Variants in SF3A3 observed in about 807,000 individuals in gnomAD.
SF3A3 encodes SAP 61.
Under a neutral mutation model 85.8 loss-of-function variants are expected in SF3A3, and 9 were observed. That is an observed-to-expected ratio of 0.10 (90% confidence interval 0.06 to 0.18). The LOEUF (loss-of-function observed/expected upper bound fraction) is 0.18. Among genes scored for constraint, SF3A3 ranks in the 10% least tolerant of loss-of-function variants. The pLI, the probability that SF3A3 is intolerant of heterozygous loss-of-function variation, is 1.00. For synonymous variants in SF3A3, 195 were observed against 204.4 expected, an observed-to-expected ratio of 0.95 and a Z score of 0.39; for missense variants, 306 against 593.3, an observed-to-expected ratio of 0.52 and a Z score of 5.03.
intron 2 of SF3A3, 135 bp downstream of exon 2, chr1:37,989,413 G>C: frequency 1.2e-6 from 1 of 848,248 alleles, no homozygotes; most frequent in Middle Eastern, 2.3e-4. Context: ...GTGGACATCT[G>C]TCCAGGCAGA....
intron 15 of SF3A3, chr1:37,960,448 G>A (rs1339395020): frequency 1.4e-5 from 6 of 414,590 alleles, no homozygotes; most frequent in African/African-American, 7.8e-5. Flanking sequence ...CTTGAAGGAG[G>A]TTAATGTGGA....
In SF3A3 at chr1:37,961,002, A is replaced by C. The variant is rs537405727; in HGVS notation, c.1373-827T>G. ...TGTCAGGAAGGTGAACTCTTAGAAC[A>C]GATGGCTACATGTAATACATAAGAC... On this transcript the variant is annotated intron_variant, in intron 15 of 16. Coordinates refer to ENST00000373019, the MANE Select transcript of SF3A3 (RefSeq NM_006802.4). Among the ~76,000 whole-genome samples the C allele has an allele frequency of 1.1e-4, 16 of 152,256 alleles. No homozygotes were observed. The East Asian group carries it at 2.9e-3, about 28-fold the overall frequency.
chr1:37,984,945 T>C lies in SF3A3; in HGVS notation c.304-166A>G, dbSNP rs532797428. Among the ~76,000 whole-genome samples, 32 of 152,270 alleles carry C rather than the reference T, an allele frequency of 2.1e-4. 1 individual carries two copies. In the South Asian group the frequency reaches 6.0e-3, roughly 29 times the overall value. ...GCCTCGGCCACCCGAGTAGCTGGGA[T>C]TATAGGCACACACCACCACGCTTGG... On this transcript the variant is annotated intron_variant, in intron 4 of 16. Transcript: ENST00000373019.
Position 37,968,039 on chromosome 1 carries a change from C to T in SF3A3, c.1372+5G>A. On this transcript the variant is annotated splice_donor_5th_base_variant and intron_variant, in intron 15 of 16. Coordinates refer to ENST00000373019, the MANE Select transcript of SF3A3 (RefSeq NM_006802.4). ...CCTAGGAGACAGTAAATAAATCTTA[C>T]TTACAGGAGACAGCATCTTCAATCT... The T allele has an allele frequency of 6.3e-7, 1 of 1,585,284 alleles. No homozygotes were observed.
chr1:37,959,957 CAAAAAAAAA>C (rs34993722), intron 16 of SF3A3, among the ~76,000 whole-genome samples, 154 bp downstream of exon 16: 2 of 97,344 alleles, frequency 2.1e-5, no homozygotes, highest in East Asian at 3.1e-4. Context: ...GACTCCGTGT[CAAAAAAAAA>C]AAAAAAAAAA....
chr1:37,966,064 G>A (rs1178242452), intron 15 of SF3A3, among the ~76,000 whole-genome samples: 10 of 151,918 alleles, frequency 6.6e-5, no homozygotes, highest in Admixed American at 4.6e-4. Context: ...TTAGCCAGGC[G>A]TGGTGGCGAG....
At chr1:37,984,997 A>G (rs1237602179) in intron 4 of SF3A3, among the ~76,000 whole-genome samples, 8 of 152,178 alleles carry the variant, frequency 5.3e-5, no homozygotes, top group Non-Finnish European at 1.2e-4. Flanking sequence ...TAGTAGAGAC[A>G]GGGTTTTGCC....
chr1:37,958,275 G>T lies in SF3A3; in HGVS notation c.1429-12C>A. On this transcript the variant is annotated splice_polypyrimidine_tract_variant and intron_variant, in intron 16 of 16. Transcript: ENST00000373019. ...TCTTCATATTCTTCCTGAAAAGGAA[G>T]GGGTACACTTTGTTAGACAGCTCTC... 6.3e-7 allele frequency: 1 copy of T among 1,592,892 alleles called. No homozygotes were observed. The highest frequency in any genetic ancestry group is 8.6e-7 in the Non-Finnish European group (1 of 1,160,560).
At chr1:37,962,895 G>A (rs1178858002) in intron 15 of SF3A3, among the ~76,000 whole-genome samples, 1 of 151,716 alleles carries the variant, frequency 6.6e-6, no homozygotes, top group Non-Finnish European at 1.5e-5. Context: ...AGACCAGCCC[G>A]GGCAACAAAG....
chr1:37,960,349 T>C (rs1019401930), intron 15 of SF3A3, 174 bp from the exon 16 acceptor site: 2 of 533,686 alleles, frequency 3.7e-6, no homozygotes, highest in African/African-American at 1.9e-5. Context: ...CAAAACCCTT[T>C]CCACTGCAAA....
In SF3A3 at chr1:37,959,978, A is replaced by T. The variant is rs1198516485; in HGVS notation, c.1428+142T>A. 1.6e-5 allele frequency: 8 copies of T among 503,894 alleles called. No homozygotes were observed. In the African/African-American group the frequency reaches 1.8e-4, roughly 11 times the overall value. 31.2% of individuals were successfully genotyped at this position (503,894 alleles called of 1,614,324 possible). A position where few individuals can be genotyped will look rare whatever the true frequency, so the allele number is the denominator to read the frequency against. On this transcript the variant is annotated intron_variant, in intron 16 of 16. Transcript: ENST00000373019. ...GTGTCAAAAAAAAAAAAAAAAAAAA[A>T]GGAAAAGTCAATTTGTAGATATTGT...
intron 4 of SF3A3, 78 bp from the exon 5 acceptor site, chr1:37,984,857 G>C (rs540076844): frequency 8.5e-6 from 10 of 1,182,576 alleles, no homozygotes; most frequent in Non-Finnish European, 1.3e-5. Context: ...GCCCAGGCTG[G>C]AGTGCACTGG....
chr1:37,974,227 TAAAAAAAAATTA>T (rs1231721771), intron 12 of SF3A3, among the ~76,000 whole-genome samples: 1 of 147,600 alleles, frequency 6.8e-6, no homozygotes, highest in African/African-American at 2.5e-5. Context: ...ACTTAAAGTA[TAAAAAAAAATTA>T]AAAAAAAAAT....
intron 4 of SF3A3, among the ~76,000 whole-genome samples, chr1:37,985,955 T>TTTC (rs1409263499): frequency 6.7e-6 from 1 of 148,774 alleles, no homozygotes; most frequent in East Asian, 2.0e-4. Flanking sequence ...CAGACTTTTT[T>TTTC]TTTTTTTTTT....
At position 37,957,545 on chromosome 1, in the gene SF3A3, TATGTTACCTAGGCTA is replaced by T. The variant is rs1646228873; in HGVS notation, c.*626_*640del. The T allele has an allele frequency of 6.8e-6, 1 of 148,048 alleles. No individual in the cohort carries two copies. Among genetic ancestry groups the T allele is most frequent in the Non-Finnish European group, 1.5e-5 (1 of 67,484 alleles). The allele number at this position is 148,048 out of a possible 1,614,324, so 9.2% of individuals were successfully genotyped here. A position where few individuals can be genotyped will look rare whatever the true frequency, so the allele number is the denominator to read the frequency against. On this transcript the variant is annotated 3_prime_UTR_variant, in exon 17 of 17. Coordinates refer to ENST00000373019, the MANE Select transcript of SF3A3 (RefSeq NM_006802.4). ...TTTTTTTAATGAGACAGGGTCTCAC[TATGTTACCTAGGCTA>T]GTCTCAAGCAACCCTCCTGCCTCAG... is the stretch of plus-strand genomic sequence containing the variant.
chr1:37,965,835 TG>T (rs930380514), intron 15 of SF3A3, among the ~76,000 whole-genome samples: 7 of 54,688 alleles, frequency 1.3e-4, no homozygotes, highest in African/African-American at 2.8e-4. Context: ...GGGGGTGGGA[TG>T]GGGGGGTAAA....
intron 7 of SF3A3, among the ~76,000 whole-genome samples, chr1:37,981,502 C>A (rs1006218637): frequency 6.6e-6 from 1 of 152,108 alleles, no homozygotes; most frequent in Non-Finnish European, 1.5e-5. Context: ...AAATTAAGAA[C>A]ACTATGGGCA....
At chr1:37,980,438 C>A (rs1175162439) in intron 8 of SF3A3, 148 bp downstream of exon 8, 12 of 716,274 alleles carry the variant, frequency 1.7e-5, no homozygotes, top group Non-Finnish European at 1.7e-5. Context: ...AAAAAAAAAA[C>A]ATAGCATACT....
intron 15 of SF3A3, among the ~76,000 whole-genome samples, chr1:37,961,759 C>CAAAACAAA: frequency 2.6e-5 from 1 of 37,808 alleles, no homozygotes; most frequent in Non-Finnish European, 4.4e-5. Context: ...GCAAGACTGC[C>CAAAACAAA]AAAAAAAAAA....
Sources: allele counts gnomAD v4.1 joint callset (sites outside exome capture counted in the v4.1 genomes callset), GRCh38; gene constraint gnomAD v4.1.1; transcripts MANE v1.5; gene names NCBI Gene and HGNC (gene_info 2026-07-23, HGNC 2026-07-21).